The following FNDC3A variants were observed in gnomAD, a reference collection of about 807,000 sequenced individuals.
The protein encoded by FNDC3A is fibronectin type-III domain-containing protein 3A.
In FNDC3A, 32 loss-of-function variants were observed where a neutral mutation model predicts 148.9. The observed-to-expected ratio is 0.21, with a 90% confidence interval of 0.16 to 0.29. The LOEUF (loss-of-function observed/expected upper bound fraction) is 0.29, where lower values mean the gene tolerates loss of function less well. Among genes scored for constraint, FNDC3A ranks in the 10% least tolerant of loss-of-function variants. FNDC3A has a pLI of 1.00. For synonymous variants in FNDC3A, 472 were observed against 473.6 expected (o/e 1.00, Z 0.04); for missense variants, 1,191 against 1,452.8 (o/e 0.82, Z 2.93).
In FNDC3A at chr13:49,008,604, A is replaced by G. The variant is rs185484586; in HGVS notation, c.99+2315A>G. Among the ~76,000 whole-genome samples, 152 of 152,288 alleles carry G rather than the reference A, an allele frequency of 1.0e-3. 1 individual carries two copies. Among genetic ancestry groups the G allele is most frequent in the African/African-American group, 3.5e-3 (145 of 41,574 alleles). On this transcript the variant is annotated intron_variant, in intron 2 of 25. Coordinates refer to ENST00000492622, the MANE Select transcript of FNDC3A (RefSeq NM_001079673.2). Reference sequence around the variant, plus strand: ...AATTTTCTTATAGTTGGCTATTAAGATTATCTGTCTCCTCATTAATATTTT... The same window carrying G: ...AATTTTCTTATAGTTGGCTATTAAGGTTATCTGTCTCCTCATTAATATTTT...
chr13:49,008,716 C>T (rs1028936868), intron 2 of FNDC3A, among the ~76,000 whole-genome samples: 1 of 152,106 alleles, frequency 6.6e-6, no homozygotes, highest in African/African-American at 2.4e-5. Flanking sequence ...GGGAATTGCT[C>T]CTGATATCAC....
At chr13:49,177,332 T>C (rs1311043400) in intron 13 of FNDC3A, among the ~76,000 whole-genome samples, 1 of 152,202 alleles carries the variant, frequency 6.6e-6, no homozygotes, top group Non-Finnish European at 1.5e-5. Flanking sequence ...TCCCAAGGTG[T>C]CACAGAAGAT....
At chr13:49,085,830 C>T (rs989277838) in intron 3 of FNDC3A, among the ~76,000 whole-genome samples, 16 of 150,396 alleles carry the variant, frequency 1.1e-4, no homozygotes, top group East Asian at 1.9e-4. Context: ...TTGTAATAAA[C>T]GGAGATGTCA....
In FNDC3A at chr13:49,021,560, C is replaced by T. The variant is rs148069683; in HGVS notation, c.99+15271C>T. Among the ~76,000 whole-genome samples the T allele has an allele frequency of 2.0e-5, 3 of 152,228 alleles. No individual in the cohort carries two copies. In the East Asian group the frequency reaches 5.8e-4, roughly 29 times the overall value. ...TGCTGCTGTGATTCTGAGACTTTTC[C>T]AAGGCTTTTGTGAAGCTGGGGAGAC... On this transcript the variant is annotated intron_variant, in intron 2 of 25. Coordinates refer to ENST00000492622, the MANE Select transcript of FNDC3A (RefSeq NM_001079673.2).
At chr13:49,062,644 G>T (rs1876977537) in intron 2 of FNDC3A, among the ~76,000 whole-genome samples, 1 of 152,080 alleles carries the variant, frequency 6.6e-6, no homozygotes, top group South Asian at 2.1e-4. Flanking sequence ...GCTGAATTCT[G>T]TGTAGTTTAT....
intron 7 of FNDC3A, among the ~76,000 whole-genome samples, chr13:49,142,347 G>A (rs1235005276): frequency 4.6e-5 from 7 of 151,982 alleles, no homozygotes; most frequent in South Asian, 2.1e-4. Context: ...CATTGTTTCC[G>A]TCGGTAAACA....
At chr13:49,116,379 G>A (rs539240116) in intron 4 of FNDC3A, among the ~76,000 whole-genome samples, 5 of 152,240 alleles carry the variant, frequency 3.3e-5, no homozygotes, top group Non-Finnish European at 7.4e-5. Context: ...TATGTATTGA[G>A]TGTTTATATA....
intron 7 of FNDC3A, among the ~76,000 whole-genome samples, chr13:49,140,422 A>T (rs1229777936): frequency 5.3e-5 from 8 of 152,230 alleles, no homozygotes. Context: ...AACATTAGGA[A>T]GAACATGTAG....
rs367719937 is a variant in FNDC3A at position 49,188,593 on chromosome 13, G to A, written c.1904G>A (p.Arg635His). 1.4e-4 allele frequency: 219 copies of A among 1,613,272 alleles called. No homozygotes were observed. Among genetic ancestry groups the A allele is most frequent in the Non-Finnish European group, 1.7e-4 (196 of 1,179,244 alleles). ...CDRLNPGCFY[R>H]LRVYCISDGG... ...CGACTGAATCCAGGCTGTTTCTATC[G>A]TTTACGAGTTTACTGCATCAGTGAT... Residue 635 changes from arginine to histidine, a missense_variant, in exon 17 of 26, where the codon CGT becomes CAT. By Grantham distance (29) the Arg-to-His change is conservative (BLOSUM62 0). This residue lies in a region of FNDC3A where 751 missense variants were observed against 944.0 expected (regional missense o/e 0.80). Coordinates refer to ENST00000492622, the MANE Select transcript of FNDC3A (RefSeq NM_001079673.2).
intron 2 of FNDC3A, among the ~76,000 whole-genome samples, chr13:49,042,682 T>G (rs1439500134): frequency 6.6e-6 from 1 of 151,884 alleles, no homozygotes; most frequent in Admixed American, 6.6e-5. Context: ...GTGGCTGAGG[T>G]GGGAGGATTG....
At position 49,115,829 on chromosome 13, in the gene FNDC3A, G is replaced by A. The variant is rs187917133; in HGVS notation, c.252+1098G>A. Among the ~76,000 whole-genome samples the A allele has an allele frequency of 1.5e-3, 235 of 152,160 alleles. 1 individual carries two copies. The highest frequency in any genetic ancestry group is 5.2e-3 in the African/African-American group (217 of 41,500). ...TATTACTCTACTAAAACTGCTTTCC[G>A]CTATGTACCAAATCCAAAGTCCTGC... On this transcript the variant is annotated intron_variant, in intron 4 of 25. Coordinates refer to ENST00000492622, the MANE Select transcript of FNDC3A (RefSeq NM_001079673.2).
chr13:49,074,532 C>T (rs1877960758), intron 2 of FNDC3A, among the ~76,000 whole-genome samples: 1 of 152,138 alleles, frequency 6.6e-6, no homozygotes, highest in Non-Finnish European at 1.5e-5. Flanking sequence ...TTGAAAACTA[C>T]CTAAATTCCT....
intron 2 of FNDC3A, among the ~76,000 whole-genome samples, chr13:49,063,346 T>G (rs73184664): frequency 6.6e-6 from 1 of 152,096 alleles, no homozygotes; most frequent in Non-Finnish European, 1.5e-5. Context: ...AACATTTAGG[T>G]AAGTTTTTTT....
chr13:49,041,716 CAGG>C (rs1466146517), intron 2 of FNDC3A, among the ~76,000 whole-genome samples: 4 of 150,396 alleles, frequency 2.7e-5, no homozygotes, highest in African/African-American at 9.8e-5. Context: ...GAGGGTAAGG[CAGG>C]AGATTTGCTT....
intron 3 of FNDC3A, among the ~76,000 whole-genome samples, chr13:49,111,608 C>G (rs527765162): frequency 2.0e-5 from 3 of 151,908 alleles, no homozygotes; most frequent in African/African-American, 7.3e-5. Flanking sequence ...TGCATGTAAT[C>G]CCAGCTACTC....
chr13:49,187,757 A>AT (rs1043072817), intron 16 of FNDC3A: 2,560 of 793,876 alleles, frequency 3.2e-3, no homozygotes, highest in Middle Eastern at 3.9e-3. Context: ...TTTTTCCTGG[A>AT]TTTTTTTTTT....
chr13:49,196,080 CAAAAAAAAA>C lies in FNDC3A; in HGVS notation c.2227-780_2227-772del, dbSNP rs71076070. Among the ~76,000 whole-genome samples, 579 of 71,602 alleles carry C rather than the reference CAAAAAAAAA, an allele frequency of 8.1e-3. 4 individuals are homozygous for C. The highest frequency in any genetic ancestry group is 0.034 in the African/African-American group (549 of 15,966). 47.0% of individuals were successfully genotyped at this position (71,602 alleles called of 152,430 possible). On this transcript the variant is annotated intron_variant, in intron 19 of 25. Coordinates refer to ENST00000492622, the MANE Select transcript of FNDC3A (RefSeq NM_001079673.2). Reference sequence around the variant, plus strand: ...TGATGGAGCCAGCCAGACCTTGTCTCAAAAAAAAAAAAAAAAAAAAAAAAAGAAGTTGAG... The same window carrying C: ...TGATGGAGCCAGCCAGACCTTGTCTCAAAAAAAAAAAAAAAAGAAGTTGAG...
At chr13:49,152,511 TGG>T (rs1566287014) in intron 8 of FNDC3A, among the ~76,000 whole-genome samples, 55 of 144,172 alleles carry the variant, frequency 3.8e-4, no homozygotes, top group East Asian at 6.4e-4. Flanking sequence ...AAAAATTGTT[TGG>T]TTTTTTTTTA....
Position 49,199,328 on chromosome 13 carries a change from A to ATT in FNDC3A, c.2987+773_2987+774dup, listed in dbSNP as rs35601446. 7.0e-3 allele frequency among the ~76,000 whole-genome samples: 938 copies of ATT among 133,146 alleles called. 27 individuals carry two copies. Among genetic ancestry groups the ATT allele is most frequent in the African/African-American group, 0.024 (832 of 34,182 alleles). The allele number at this position is 133,146 out of a possible 152,430, so 87.3% of individuals were successfully genotyped here. ...TGAGCCACTGTGCCTGACCGAAACA[A>ATT]TTTTTTTTTTTTTTTTTTTTGAGAC... On this transcript the variant is annotated intron_variant, in intron 23 of 25. Transcript: ENST00000492622.
Sources: gnomAD v4.1 joint callset for allele counts (sites outside exome capture counted in the v4.1 genomes callset) on GRCh38, gnomAD v4.1.1 for gene constraint, gnomAD v4.1.1 regional missense constraint, MANE v1.5 for transcripts, NCBI Gene and HGNC (gene_info 2026-07-23, HGNC 2026-07-21) for gene names.